The following KIAA1614 variants were observed in gnomAD, a reference collection of about 807,000 sequenced individuals.
KIAA1614 encodes the protein KIAA1614, also known as uncharacterized protein KIAA1614.
KIAA1614 carries 76 observed loss-of-function variants against 88.7 expected under a neutral mutation model. That is an observed-to-expected ratio of 0.86 (90% CI 0.71 to 1.04). KIAA1614 has a LOEUF of 1.04. KIAA1614 is among the 50% of genes least tolerant of loss of function. The pLI, the probability that KIAA1614 is intolerant of heterozygous loss-of-function variation, is 0.00. For synonymous variants in KIAA1614, 714 were observed against 675.5 expected, an observed-to-expected ratio of 1.06 and a Z score of -0.88; for missense variants, 1,553 against 1,582.5, an observed-to-expected ratio of 0.98 and a Z score of 0.32.
chr1:180,928,266 GCCCCCA>G (rs2102264163), intron 3 of KIAA1614, 158 bp from the exon 4 acceptor site: 2 of 826,436 alleles, frequency 2.4e-6, no homozygotes, highest in East Asian at 5.9e-5. Flanking sequence ...CAGGCCCCAG[GCCCCCA>G]GGCTGGGTTC....
intron 7 of KIAA1614, among the ~76,000 whole-genome samples, chr1:180,942,012 A>G (rs1654478731): frequency 6.6e-6 from 1 of 151,910 alleles, no homozygotes; most frequent in Non-Finnish European, 1.5e-5. Context: ...CCCCTCAGGG[A>G]GCCGCTCCCA....
At position 180,936,532 on chromosome 1, in the gene KIAA1614, G is replaced by C. The variant is rs769389430; in HGVS notation, c.2623G>C (p.Ala875Pro). 1 of 1,614,050 alleles carries C rather than the reference G, an allele frequency of 6.2e-7. No homozygotes were observed. The highest frequency in any genetic ancestry group is 8.5e-7 in the Non-Finnish European group (1 of 1,179,990). The change falls in exon 5 of 9, where the codon GCC (alanine) becomes CCC (proline). Residue 875 changes from alanine to proline, a missense_variant. By Grantham distance (27) the Ala-to-Pro change is conservative. Transcript: ENST00000367588. ...SRPQVRHPLL[A>P]LSTNNCNNSA... ...CCCTCAGGTCAGGCACCCACTGCTG[G>C]CCCTGTCCACCAACAACTGCAACAA...
At chr1:180,934,031 G>T (rs1654258698) in intron 4 of KIAA1614, among the ~76,000 whole-genome samples, 1 of 152,252 alleles carries the variant, frequency 6.6e-6, no homozygotes, top group Non-Finnish European at 1.5e-5. Flanking sequence ...GAGGCAGGCA[G>T]ATCACCTGAG....
chr1:180,914,932 G>A (rs1392985916), intron 1 of KIAA1614, among the ~76,000 whole-genome samples: 1 of 152,052 alleles, frequency 6.6e-6, no homozygotes, highest in African/African-American at 2.4e-5. Flanking sequence ...CTCCCAAAGT[G>A]CTGGGATTAC....
At position 180,935,429 on chromosome 1, in the gene KIAA1614, C is replaced by T. The variant is rs775027165; in HGVS notation, c.1520C>T (p.Ala507Val). 5 of 1,471,608 alleles carry T rather than the reference C, an allele frequency of 3.4e-6. No individual in the cohort carries two copies. The highest frequency in any genetic ancestry group is 2.4e-5 in the East Asian group (1 of 41,814). The allele number at this position is 1,471,608 out of a possible 1,614,324, so 91.2% of individuals were successfully genotyped here. ...AACGGGGCTCCCCGGCTCCGGGACG[C>T]GGGGCAGGGGACATTCCACAGGCTT... ...YINGAPRLRD[A>V]GQGTFHRLVG... The change falls in exon 5 of 9, where the codon GCG becomes GTG. Residue 507 changes from alanine to valine, a missense_variant. Coordinates refer to ENST00000367588, the MANE Select transcript of KIAA1614 (RefSeq NM_020950.2). The surrounding 1 kb of genome is among the most constrained non-coding windows in gnomAD (Gnocchi z 6.1).
At chr1:180,937,056 C>G (rs1355939318) in intron 5 of KIAA1614, among the ~76,000 whole-genome samples, 1 of 152,252 alleles carries the variant, frequency 6.6e-6, no homozygotes, top group Non-Finnish European at 1.5e-5. Flanking sequence ...CAGGAAGAGG[C>G]AACAGCTCCA....
rs574714653 is a variant in KIAA1614, at chr1:180,944,549, C to T, written c.3287+33C>T. 5.6e-6 allele frequency: 9 copies of T among 1,605,030 alleles called. No homozygotes were observed. In the South Asian group the frequency reaches 9.9e-5, roughly 18 times the overall value. On this transcript the variant is annotated intron_variant, in intron 8 of 8. Coordinates refer to ENST00000367588, the MANE Select transcript of KIAA1614 (RefSeq NM_020950.2). ...GGGCACACATGGTTTGGAGGATAAA[C>T]TCAGAGAGTGACCAGCGGAGCCAAA... is the stretch of plus-strand genomic sequence containing the variant.
At chr1:180,943,550 C>CTGTTTTTTTTTTTTTTT (rs1553260135) in intron 7 of KIAA1614, among the ~76,000 whole-genome samples, 1 of 98,186 alleles carries the variant, frequency 1.0e-5, no homozygotes, top group Non-Finnish European at 1.9e-5. Flanking sequence ...GGTAGTAGAT[C>CTGTTTTTTTTTTTTTTT]TTTTTTTTTT....
rs1269506456 is a variant in KIAA1614 at position 180,936,539 on chromosome 1, C to A, written c.2630C>A (p.Ser877Tyr). 6.2e-7 allele frequency: 1 copy of A among 1,614,062 alleles called. No individual in the cohort carries two copies. Residue 877 changes from serine to tyrosine, a missense_variant, in exon 5 of 9, where the codon TCC becomes TAC. Ser to Tyr is a moderately radical substitution (Grantham distance 144, BLOSUM62 -2). Coordinates refer to ENST00000367588, the MANE Select transcript of KIAA1614 (RefSeq NM_020950.2). ...GTCAGGCACCCACTGCTGGCCCTGT[C>A]CACCAACAACTGCAACAACAGCGCA... ...PQVRHPLLALSTNNCNNSAPR... is the reference protein window; with the variant it reads ...PQVRHPLLALYTNNCNNSAPR...
chr1:180,928,289 C>A, intron 3 of KIAA1614, 141 bp from the exon 4 acceptor site: 1 of 1,043,184 alleles, frequency 9.6e-7, no homozygotes, highest in Non-Finnish European at 1.3e-6. Context: ...GTTCCCTGTG[C>A]GTGGGTGCTA....
chr1:180,927,030 TAGTG>T (rs1185088026), intron 3 of KIAA1614, among the ~76,000 whole-genome samples: 2 of 151,970 alleles, frequency 1.3e-5, no homozygotes, highest in Non-Finnish European at 2.9e-5. Flanking sequence ...TGGATGCAAA[TAGTG>T]AGAAGAAAAA....
intron 3 of KIAA1614, among the ~76,000 whole-genome samples, chr1:180,924,968 G>T (rs1172139222): frequency 6.6e-6 from 1 of 151,700 alleles, no homozygotes; most frequent in African/African-American, 2.4e-5. Flanking sequence ...TCTTTTAAAG[G>T]AGTCACTCTC....
Position 180,916,205 on chromosome 1 carries a change from T to TGTGGA in KIAA1614, c.112_116dup (p.Pro40ValfsTer27). 6.2e-7 allele frequency: 1 copy of TGTGGA among 1,607,702 alleles called. No individual in the cohort carries two copies. Among genetic ancestry groups the TGTGGA allele is most frequent in the Non-Finnish European group, 8.5e-7 (1 of 1,177,326 alleles). ...CCAGCCCCGTGGAGGGGACCTCAGCTGTGGAGTGGAGTGGTCCTGAGCCAC... is the reference window on the plus strand; with the variant it reads ...CCAGCCCCGTGGAGGGGACCTCAGCTGTGGAGTGGAGTGGAGTGGTCCTGAGCCAC... On this transcript the variant is annotated frameshift_variant, in exon 2 of 9. Coordinates refer to ENST00000367588, the MANE Select transcript of KIAA1614 (RefSeq NM_020950.2). LOFTEE classifies it high-confidence loss of function.
rs750384650 is a variant in KIAA1614 at position 180,917,118 on chromosome 1, G to A, written c.997+18G>A. On this transcript the variant is annotated intron_variant, in intron 2 of 8. Transcript: ENST00000367588. ...TGCACCAGGTGAAGCTCACTGTGTAGGTCCAGGTGGTGGGGGGAGCAGGAG... is the reference window on the plus strand; with the variant it reads ...TGCACCAGGTGAAGCTCACTGTGTAAGTCCAGGTGGTGGGGGGAGCAGGAG... 8 of 1,595,542 alleles carry A rather than the reference G, an allele frequency of 5.0e-6. No homozygotes were observed. The highest frequency in any genetic ancestry group is 4.3e-6 in the Non-Finnish European group (5 of 1,167,170).
At position 180,923,563 on chromosome 1, in the gene KIAA1614, G is replaced by A. The variant is rs546377012; in HGVS notation, c.1062-4867G>A. On this transcript the variant is annotated intron_variant, in intron 3 of 8. Coordinates refer to ENST00000367588, the MANE Select transcript of KIAA1614 (RefSeq NM_020950.2). ...TTTTGCTCTTATTGTGCCCTGCACC[G>A]GCTGCAGCCATAGCTGGCACTGGTG... Among the ~76,000 whole-genome samples the A allele has an allele frequency of 8.5e-5, 13 of 152,296 alleles. No homozygotes were observed. The East Asian group carries it at 2.5e-3, about 29-fold the overall frequency.
In KIAA1614 at chr1:180,941,258, G is replaced by A; in HGVS notation, c.3132G>A (p.Arg1044=). ...CGCCTGGCCTGACGTCACAGTCCAG[G>A]GCCCCATCGTTACAATCCCTGCACC... ...PAPPGLTSQS[R]APSLQSLHPV... is the part of the protein sequence containing the mutation. Residue 1044 remains arginine (R), a synonymous_variant, in exon 7 of 9, where the codon AGG becomes AGA. Transcript: ENST00000367588. 1 of 1,611,830 alleles carries A rather than the reference G, an allele frequency of 6.2e-7. No homozygotes were observed. Among genetic ancestry groups the A allele is most frequent in the Non-Finnish European group, 8.5e-7 (1 of 1,178,568 alleles).
rs1654654313 is a variant in KIAA1614, at chr1:180,948,651, C to T, written c.*3063C>T. 3 of 152,414 alleles carry T rather than the reference C, an allele frequency of 2.0e-5. No homozygotes were observed. The highest frequency in any genetic ancestry group is 4.1e-4 in the South Asian group (2 of 4,824). 9.4% of individuals were successfully genotyped at this position (152,414 alleles called of 1,614,324 possible). ...CCCAGGGGCCCCTTCTTACCTGCCC[C>T]CTCCCCGTGCCACCAACCCGTAGAC... On this transcript the variant is annotated 3_prime_UTR_variant, in exon 9 of 9. Transcript: ENST00000367588.
At chr1:180,931,508 C>T (rs958767875) in intron 4 of KIAA1614, among the ~76,000 whole-genome samples, 5 of 152,238 alleles carry the variant, frequency 3.3e-5, no homozygotes, top group Admixed American at 6.5e-5. Context: ...GGGATTTGCT[C>T]AACGCTTAGC....
At chr1:180,933,224 A>G (rs1654241365) in intron 4 of KIAA1614, among the ~76,000 whole-genome samples, 1 of 152,208 alleles carries the variant, frequency 6.6e-6, no homozygotes, top group Non-Finnish European at 1.5e-5. Flanking sequence ...GATCCAGGAA[A>G]TGAGGCAGGA....
Sources: allele counts gnomAD v4.1 joint callset (sites outside exome capture counted in the v4.1 genomes callset), GRCh38; gene constraint gnomAD v4.1.1; non-coding constraint Gnocchi (gnomAD v3.1); transcripts MANE v1.5; gene names NCBI Gene and HGNC (gene_info 2026-07-23, HGNC 2026-07-21).